The following MARCHF1 variants were observed in gnomAD, a reference collection of about 807,000 sequenced individuals.
MARCHF1 encodes the protein E3 ubiquitin-protein ligase MARCHF1.
In MARCHF1, 40 loss-of-function variants were observed where a neutral mutation model predicts 54.2. The observed-to-expected ratio is 0.74, with a 90% CI of 0.57 to 0.96. The LOEUF is 0.96. Among genes scored for constraint, MARCHF1 ranks in the 40% least tolerant of loss-of-function variants. MARCHF1 has a pLI of 0.00. For synonymous variants in MARCHF1, 236 were observed against 236.3 expected, an observed-to-expected ratio of 1.00 and a Z score of 0.01; for missense variants, 586 against 656.5, an observed-to-expected ratio of 0.89 and a Z score of 1.17.
At chr4:164,199,663 C>CAG (rs1731386845) in intron 1 of MARCHF1, among the ~76,000 whole-genome samples, 1 of 84,996 alleles carries the variant, frequency 1.2e-5, no homozygotes. Context: ...CACACACACA[C>CAG]ACACACACAC....
chr4:164,141,989 C>T (rs1229891449), intron 1 of MARCHF1, among the ~76,000 whole-genome samples: 1 of 141,976 alleles, frequency 7.0e-6, no homozygotes, highest in African/African-American at 2.9e-5. Context: ...CAAAGTAGGG[C>T]GAGGCATTGC....
At chr4:163,751,228 T>C (rs536119514) in intron 4 of MARCHF1, among the ~76,000 whole-genome samples, 15 of 151,750 alleles carry the variant, frequency 9.9e-5, no homozygotes, top group Admixed American at 6.6e-5. Context: ...TAACTACAGG[T>C]GTGATCATAG....
At chr4:164,044,144 C>T (rs780905502) in intron 2 of MARCHF1, among the ~76,000 whole-genome samples, 4 of 152,180 alleles carry the variant, frequency 2.6e-5, no homozygotes, top group Non-Finnish European at 5.9e-5. Flanking sequence ...GCCTGTTACC[C>T]AGTTGCAAAG....
chr4:163,987,082 G>T (rs1752883919), intron 3 of MARCHF1, among the ~76,000 whole-genome samples: 1 of 152,132 alleles, frequency 6.6e-6, no homozygotes, highest in East Asian at 1.9e-4. Context: ...TTGCAGAATT[G>T]ATCAGTGTAC....
At chr4:164,203,948 A>G (rs1231793754) in intron 1 of MARCHF1, among the ~76,000 whole-genome samples, 1 of 152,236 alleles carries the variant, frequency 6.6e-6, no homozygotes, top group African/African-American at 2.4e-5. Flanking sequence ...GTTAACTTTA[A>G]TTATAAGGAA....
chr4:163,534,955 A>G (rs1424981182), intron 9 of MARCHF1, among the ~76,000 whole-genome samples: 4 of 152,088 alleles, frequency 2.6e-5, no homozygotes, highest in Non-Finnish European at 4.4e-5. Flanking sequence ...AATTACATAC[A>G]ATTATGAGAT....
intron 4 of MARCHF1, among the ~76,000 whole-genome samples, chr4:163,782,431 G>T (rs1747491007): frequency 6.6e-6 from 1 of 152,154 alleles, no homozygotes; most frequent in Admixed American, 6.5e-5. Flanking sequence ...AGCACTTTGG[G>T]AGGCCGAGGT....
intron 1 of MARCHF1, among the ~76,000 whole-genome samples, chr4:164,220,606 A>ATATGCTATATATGCATATATGTAATATG (rs767154733): frequency 0.16 from 21,905 of 138,672 alleles, 2,291 homozygotes; most frequent in Admixed American, 0.25. Context: ...TATGTAATAT[A>ATATGCTATATATGCATATATGTAATATG]TATGCTATAT....
Position 163,527,840 on chromosome 4 carries a change from A to ATATT in MARCHF1, c.*904_*907dup, listed in dbSNP as rs1380846807. 1 of 124,520 alleles carries ATATT rather than the reference A, an allele frequency of 8.0e-6. No individual in the cohort carries two copies. Among genetic ancestry groups the ATATT allele is most frequent in the Non-Finnish European group, 1.9e-5 (1 of 53,120 alleles). 7.7% of individuals were successfully genotyped at this position (124,520 alleles called of 1,614,324 possible). On this transcript the variant is annotated 3_prime_UTR_variant, in exon 10 of 10. Transcript: ENST00000514618. Reference sequence around the variant, plus strand: ...CTATCAATCAATCAATCAATTTTTTATATTGATGACATGTTGAAATAACAT... The same window carrying ATATT: ...CTATCAATCAATCAATCAATTTTTTATATTTATTGATGACATGTTGAAATAACAT...
At chr4:164,188,438 G>A in intron 1 of MARCHF1, 2 of 609,634 alleles carry the variant, frequency 3.3e-6, no homozygotes. Context: ...GGCGTGGTTC[G>A]AGGACAAGGA....
intron 3 of MARCHF1, among the ~76,000 whole-genome samples, chr4:163,978,811 C>T (rs1486695007): frequency 6.6e-6 from 1 of 152,042 alleles, no homozygotes; most frequent in African/African-American, 2.4e-5. Flanking sequence ...CAGCCTCCAA[C>T]TCCTGGCTCA....
At chr4:164,317,462 G>A (rs909100322) in intron 1 of MARCHF1, among the ~76,000 whole-genome samples, 2 of 152,090 alleles carry the variant, frequency 1.3e-5, no homozygotes, top group African/African-American at 4.8e-5. Flanking sequence ...GGTCTGTGCT[G>A]GTGCCTACAC....
intron 1 of MARCHF1, among the ~76,000 whole-genome samples, chr4:164,267,260 T>C (rs1488422643): frequency 2.0e-5 from 3 of 152,248 alleles, no homozygotes; most frequent in Non-Finnish European, 4.4e-5. Context: ...TTGGTATTTA[T>C]ACCCTTATAT....
At chr4:163,953,611 AC>A (rs968316556) in intron 3 of MARCHF1, among the ~76,000 whole-genome samples, 2 of 152,156 alleles carry the variant, frequency 1.3e-5, no homozygotes, top group African/African-American at 4.8e-5. Context: ...ATAGTAATCC[AC>A]TGTTAACATA....
At position 163,953,212 on chromosome 4, in the gene MARCHF1, T is replaced by C. The variant is rs895458407; in HGVS notation, c.-39+35289A>G. Among the ~76,000 whole-genome samples, 5 of 152,128 alleles carry C rather than the reference T, an allele frequency of 3.3e-5. No individual in the cohort carries two copies. In the South Asian group the frequency reaches 8.3e-4, roughly 25 times the overall value. On this transcript the variant is annotated intron_variant, in intron 3 of 9. Coordinates refer to ENST00000514618, the MANE Select transcript of MARCHF1 (RefSeq NM_001394959.1). ...CCTCACCTTCCTATAAAAATAAATATTTTTAGTACATAGCATGCATCCTAT... is the reference window on the plus strand; with the variant it reads ...CCTCACCTTCCTATAAAAATAAATACTTTTAGTACATAGCATGCATCCTAT...
chr4:164,266,066 T>C (rs574625986), intron 1 of MARCHF1, among the ~76,000 whole-genome samples: 66 of 152,308 alleles, frequency 4.3e-4, no homozygotes, highest in Non-Finnish European at 8.7e-4. Context: ...GCCTGGAATA[T>C]GCAGTAAGGG....
chr4:163,926,256 G>A (rs1487058338), intron 3 of MARCHF1, among the ~76,000 whole-genome samples: 1 of 151,646 alleles, frequency 6.6e-6, no homozygotes, highest in Non-Finnish European at 1.5e-5. Context: ...CATATATTAT[G>A]TAGATGTTAG....
chr4:163,691,124 C>T (rs868365922), intron 5 of MARCHF1, among the ~76,000 whole-genome samples: 3 of 152,104 alleles, frequency 2.0e-5, no homozygotes, highest in African/African-American at 7.2e-5. Flanking sequence ...CCCAGGGTGC[C>T]TTTTCCAAGC....
intron 1 of MARCHF1, among the ~76,000 whole-genome samples, chr4:164,167,919 T>G (rs1166139440): frequency 5.9e-5 from 9 of 151,848 alleles, no homozygotes; most frequent in Admixed American, 5.9e-4. Context: ...AATAAATAAA[T>G]GGAACTACGT....
Sources: allele counts gnomAD v4.1 joint callset (sites outside exome capture counted in the v4.1 genomes callset), GRCh38; gene constraint gnomAD v4.1.1; transcripts MANE v1.5; gene names NCBI Gene and HGNC (gene_info 2026-07-23, HGNC 2026-07-21).